PAN3: variants seen among roughly 807,000 people sequenced by gnomAD.
PAN3 encodes the protein poly(A) specific ribonuclease subunit PAN3, also known as PAN2-PAN3 deadenylation complex subunit PAN3.
A neutral mutation model predicts 96.2 loss-of-function variants in PAN3; 19 were observed. That is an observed-to-expected ratio of 0.20 (90% CI 0.14 to 0.29). The LOEUF (loss-of-function observed/expected upper bound fraction) is 0.29. Ranked by LOEUF, PAN3 falls within the 10% of genes least tolerant of loss-of-function variation. PAN3 has a pLI of 1.00. For synonymous variants in PAN3, 433 were observed against 406.6 expected (o/e 1.06, Z -0.78); for missense variants, 882 against 1,108.1 (o/e 0.80, Z 2.90).
intron 6 of PAN3, among the ~76,000 whole-genome samples, chr13:28,235,830 C>A (rs1883048865): frequency 6.6e-6 from 1 of 151,608 alleles, no homozygotes; most frequent in African/African-American, 2.4e-5. Context: ...TCCTGTCTCA[C>A]CCTGTGGAGT....
At chr13:28,157,128 T>C (rs1351094774) in intron 1 of PAN3, among the ~76,000 whole-genome samples, 1 of 147,312 alleles carries the variant, frequency 6.8e-6, no homozygotes, top group Non-Finnish European at 1.5e-5. Flanking sequence ...AAAACAACCA[T>C]ATTATCATCT....
intron 4 of PAN3, 72 bp downstream of exon 4, chr13:28,178,007 T>C (rs1196382683): frequency 1.4e-6 from 2 of 1,391,304 alleles, no homozygotes; most frequent in Non-Finnish European, 2.0e-6. Context: ...ACCTATGTAG[T>C]GTCAATGTTT....
chr13:28,155,067 T>C (rs34902435), intron 1 of PAN3, among the ~76,000 whole-genome samples: 43,646 of 150,368 alleles, frequency 0.29, 9,074 homozygotes, highest in African/African-American at 0.59. Context: ...CCACCCGCCT[T>C]GGCCTCCCAA....
chr13:28,256,184 T>A (rs1428692271), intron 6 of PAN3, 108 bp from the exon 7 acceptor site: 2 of 1,199,012 alleles, frequency 1.7e-6, no homozygotes, highest in Admixed American at 4.6e-5. Context: ...GCACTTACGA[T>A]CCCAAAGATG....
At chr13:28,194,454 A>G (rs1472702356) in intron 4 of PAN3, among the ~76,000 whole-genome samples, 1 of 100,344 alleles carries the variant, frequency 1.0e-5, no homozygotes, top group Non-Finnish European at 1.9e-5. Flanking sequence ...ATGTATGTAT[A>G]TATATATATA....
At chr13:28,167,082 A>ATTTTTTT (rs1158467405) in intron 1 of PAN3, among the ~76,000 whole-genome samples, 5 of 118,326 alleles carry the variant, frequency 4.2e-5, no homozygotes, top group African/African-American at 9.7e-5. Context: ...TTTTATCTTA[A>ATTTTTTT]TTTTTTTTTT....
At chr13:28,178,030 G>T in intron 4 of PAN3, 95 bp downstream of exon 4, 1 of 1,129,972 alleles carries the variant, frequency 8.8e-7, no homozygotes, top group South Asian at 1.3e-5. Flanking sequence ...GTAAGTGGAG[G>T]GAGAGCTTTT....
In PAN3 at chr13:28,138,902, A is replaced by T. The variant is rs1372261271; in HGVS notation, c.245A>T (p.His82Leu). 7.2e-7 allele frequency: 1 copy of T among 1,390,584 alleles called. No individual in the cohort carries two copies. The highest frequency in any genetic ancestry group is 9.3e-7 in the Non-Finnish European group (1 of 1,076,704). 86.1% of individuals were successfully genotyped at this position (1,390,584 alleles called of 1,614,324 possible). A position where few individuals can be genotyped will look rare whatever the true frequency, so the allele number is the denominator to read the frequency against. Reference sequence around the variant, plus strand: ...GGGGCTGCCCCGGGCCTCGGCCTCCATAGCAACAGCGTCCCCCTGGCTCTG... The same window carrying T: ...GGGGCTGCCCCGGGCCTCGGCCTCCTTAGCAACAGCGTCCCCCTGGCTCTG... Reference protein sequence around the residue: ...AAGAAPGLGLHSNSVPLALAG... With the variant: ...AAGAAPGLGLLSNSVPLALAG... Residue 82 changes from histidine (H) to leucine (L), a missense_variant, in exon 1 of 19, where the codon CAT becomes CTT. By Grantham distance (99) the His-to-Leu change is moderately conservative. This residue lies in a region of PAN3 where 442 missense variants were observed against 422.8 expected (regional missense o/e 1.05). Coordinates refer to ENST00000380958, the MANE Select transcript of PAN3 (RefSeq NM_175854.8).
intron 5 of PAN3, among the ~76,000 whole-genome samples, chr13:28,206,845 T>C (rs1423379462): frequency 6.6e-6 from 1 of 152,072 alleles, no homozygotes; most frequent in Non-Finnish European, 1.5e-5. Context: ...AGTGCTCTTC[T>C]GTAATCTCAC....
At chr13:28,208,688 A>G (rs147514323) in intron 5 of PAN3, among the ~76,000 whole-genome samples, 2 of 152,276 alleles carry the variant, frequency 1.3e-5, no homozygotes, top group African/African-American at 4.8e-5. Context: ...AGATTTTCTG[A>G]TTAGGGATAC....
chr13:28,191,257 C>A (rs978598745), intron 4 of PAN3, among the ~76,000 whole-genome samples: 4 of 152,178 alleles, frequency 2.6e-5, no homozygotes, highest in Admixed American at 6.5e-5. Flanking sequence ...TTAGCACCTG[C>A]TTCCAGTTAA....
intron 2 of PAN3, among the ~76,000 whole-genome samples, chr13:28,175,746 A>T (rs1212967039): frequency 6.6e-6 from 1 of 152,194 alleles, no homozygotes; most frequent in East Asian, 1.9e-4. Context: ...GTTATACCTT[A>T]TTTTAACTGC....
chr13:28,273,051 TCTGA>T (rs767855900), intron 14 of PAN3, among the ~76,000 whole-genome samples: 2 of 152,246 alleles, frequency 1.3e-5, no homozygotes, highest in Non-Finnish European at 2.9e-5. Context: ...AGAACACTTG[TCTGA>T]CTACCAGTCA....
At chr13:28,234,958 G>A (rs1882943912) in intron 6 of PAN3, among the ~76,000 whole-genome samples, 1 of 151,644 alleles carries the variant, frequency 6.6e-6, no homozygotes, top group Non-Finnish European at 1.5e-5. Context: ...TTTCTTTTTT[G>A]TATAATAACA....
At chr13:28,273,289 G>A (rs1162815684) in intron 14 of PAN3, among the ~76,000 whole-genome samples, 3 of 152,126 alleles carry the variant, frequency 2.0e-5, no homozygotes, top group East Asian at 3.8e-4. Flanking sequence ...GAATAAGAAC[G>A]TATCTTCAAG....
chr13:28,267,502 A>G, intron 12 of PAN3, 101 bp downstream of exon 12: 1 of 996,094 alleles, frequency 1.0e-6, no homozygotes, highest in Non-Finnish European at 1.5e-6. Flanking sequence ...CCCTGTAATC[A>G]TTTAGTTTAA....
At chr13:28,153,152 CAA>C (rs1405370220) in intron 1 of PAN3, among the ~76,000 whole-genome samples, 2 of 147,660 alleles carry the variant, frequency 1.4e-5, no homozygotes, top group African/African-American at 2.5e-5. Flanking sequence ...GCAGTAAAAA[CAA>C]GAGTTTTATA....
chr13:28,287,769 A>G (rs1286282718), intron 17 of PAN3, among the ~76,000 whole-genome samples: 1 of 152,222 alleles, frequency 6.6e-6, no homozygotes, highest in Non-Finnish European at 1.5e-5. Context: ...AGGAATGCAT[A>G]AGGGATGATT....
chr13:28,167,215 G>T (rs1041986886), intron 1 of PAN3, among the ~76,000 whole-genome samples: 2 of 145,782 alleles, frequency 1.4e-5, no homozygotes, highest in Admixed American at 1.4e-4. Flanking sequence ...TTTTTATTTT[G>T]AGACAGAGTC....
Sources: gnomAD v4.1 joint callset for allele counts (sites outside exome capture counted in the v4.1 genomes callset) on GRCh38, gnomAD v4.1.1 for gene constraint, gnomAD v4.1.1 regional missense constraint, MANE v1.5 for transcripts, NCBI Gene and HGNC (gene_info 2026-07-23, HGNC 2026-07-21) for gene names.